The following MTMR9 variants were observed in gnomAD, a reference collection of about 807,000 sequenced individuals.
MTMR9 encodes the protein myotubularin related protein 9.
MTMR9 carries 39 observed loss-of-function variants against 69.5 expected under a neutral mutation model. The ratio of observed to expected loss-of-function variants is 0.56; its 90% CI spans 0.43 to 0.73. The LOEUF (loss-of-function observed/expected upper bound fraction) is 0.73. Among genes scored for constraint, MTMR9 ranks in the 30% least tolerant of loss-of-function variants. The pLI is 0.00. For missense variants in MTMR9, 900 were observed against 671.2 expected, an observed-to-expected ratio of 1.34 and a Z score of -3.77; for synonymous variants, 354 against 240.8, an observed-to-expected ratio of 1.47 and a Z score of -4.35.
intron 1 of MTMR9, among the ~76,000 whole-genome samples, chr8:11,288,024 G>T (rs1377746631): frequency 2.5e-5 from 3 of 117,820 alleles, no homozygotes; most frequent in Non-Finnish European, 5.0e-5. Flanking sequence ...TAATACGTAT[G>T]ATATATAATA....
chr8:11,311,778 C>T (rs1029792660), intron 6 of MTMR9, among the ~76,000 whole-genome samples: 6 of 152,070 alleles, frequency 3.9e-5, no homozygotes, highest in African/African-American at 9.7e-5. Context: ...CATGTGATAC[C>T]GTTTGATAGC....
At chr8:11,332,336 CA>C, downstream of MTMR9, 1 of 877,326 alleles carries the variant, frequency 1.1e-6, no homozygotes, top group Non-Finnish European at 1.6e-6. Flanking sequence ...GGCTTATTTA[CA>C]GGAATAAAAT....
In MTMR9 at chr8:11,327,341, TGA is replaced by T. The variant is rs1192031765; in HGVS notation, c.*4557_*4558del. The T allele has an allele frequency of 2.0e-5, 3 of 152,258 alleles. No individual in the cohort carries two copies. The highest frequency in any genetic ancestry group is 6.5e-5 in the Admixed American group (1 of 15,288). 9.4% of individuals were successfully genotyped at this position (152,258 alleles called of 1,614,324 possible). On this transcript the variant is annotated 3_prime_UTR_variant, in exon 10 of 10. Coordinates refer to ENST00000221086, the MANE Select transcript of MTMR9 (RefSeq NM_015458.4). ...ACATTGTCCTGCAAAGTAATTCTGA[TGA>T]GAGTTTACTGACTTCTAGAGCCATT...
In MTMR9 at chr8:11,325,060, T is replaced by C. The variant is rs1488543455; in HGVS notation, c.*2272T>C. ...AACACGGTATTCGCATTTCGTTTTC[T>C]CTGTCTCACTGAGACAACAATCTAT... On this transcript the variant is annotated 3_prime_UTR_variant, in exon 10 of 10. Coordinates refer to ENST00000221086, the MANE Select transcript of MTMR9 (RefSeq NM_015458.4). 1 of 152,246 alleles carries C rather than the reference T, an allele frequency of 6.6e-6. No individual in the cohort carries two copies. Among genetic ancestry groups the C allele is most frequent in the African/African-American group, 2.4e-5 (1 of 41,468 alleles). The allele number at this position is 152,246 out of a possible 1,614,324, so 9.4% of individuals were successfully genotyped here.
intron 2 of MTMR9, chr8:11,298,724 C>CA (rs1019114950): frequency 6.7e-6 from 6 of 895,654 alleles, no homozygotes; most frequent in South Asian, 1.1e-4. Flanking sequence ...CGCTGCACCC[C>CA]CCCCCCGCCA....
chr8:11,305,467 C>T (rs537159657), intron 4 of MTMR9, among the ~76,000 whole-genome samples: 20 of 152,190 alleles, frequency 1.3e-4, no homozygotes, highest in Non-Finnish European at 2.6e-4. Flanking sequence ...CTAGTAAACA[C>T]TGGAGTCAGG....
chr8:11,332,426 G>A (rs1037032953), downstream of MTMR9, among the ~76,000 whole-genome samples: 6 of 151,946 alleles, frequency 3.9e-5, no homozygotes, highest in Non-Finnish European at 1.5e-5. Context: ...ATATGCACAA[G>A]AGTTAAAAGA....
At chr8:11,317,084 GT>G in intron 8 of MTMR9, 191 bp downstream of exon 8, 1 of 401,852 alleles carries the variant, frequency 2.5e-6, no homozygotes, top group Non-Finnish European at 4.4e-6. Context: ...CCTAGACTTT[GT>G]TCTGTTAGGT....
At chr8:11,331,862 T>C (rs138832889), downstream of MTMR9, 1 of 1,611,884 alleles carries the variant, frequency 6.2e-7, no homozygotes. Flanking sequence ...ACCTCCTGAG[T>C]TGGAGTTGTG....
In MTMR9 at chr8:11,300,146, G is replaced by A. The variant is rs141468146; in HGVS notation, c.415G>A (p.Ala139Thr). The A allele has an allele frequency of 8.1e-6, 13 of 1,612,526 alleles. No homozygotes were observed. In the African/African-American group the frequency reaches 1.5e-4, roughly 18 times the overall value. ...GCAAGAATTTGAACTCTATTCTTCA[G>A]CTGTGAGTTAACTTTTGAGAACTGT... ...PEQEFELYSS[A>T]TSEWRLSYVN... The change falls in exon 3 of 10, where the codon GCT (alanine) becomes ACT (threonine). Residue 139 changes from alanine to threonine, a missense_variant and splice_region_variant. Ala to Thr is a moderately conservative substitution (Grantham distance 58, BLOSUM62 0). Transcript: ENST00000221086.
the MTMR9 span, among the ~76,000 whole-genome samples, chr8:11,337,739 C>A: frequency 7.9e-5 from 12 of 152,304 alleles, no homozygotes; most frequent in East Asian, 1.9e-3. Flanking sequence ...AACACATTTG[C>A]CATATCTCTC....
downstream of MTMR9, among the ~76,000 whole-genome samples, chr8:11,332,564 C>T (rs1040939914): frequency 1.1e-4 from 17 of 151,430 alleles, no homozygotes; most frequent in African/African-American, 4.1e-4. Context: ...ATGAGAAATT[C>T]ACTAGAAGGG....
chr8:11,330,006 G>A (rs1388843922), downstream of MTMR9, among the ~76,000 whole-genome samples: 2 of 147,536 alleles, frequency 1.4e-5, no homozygotes, highest in African/African-American at 5.1e-5. Flanking sequence ...CCTGGCAGCT[G>A]CCCCGTCTGG....
In MTMR9 at chr8:11,326,127, C is replaced by G. The variant is rs1800919313; in HGVS notation, c.*3339C>G. The G allele has an allele frequency of 1.3e-5, 2 of 152,130 alleles. No homozygotes were observed. Among genetic ancestry groups the G allele is most frequent in the African/African-American group, 4.8e-5 (2 of 41,416 alleles). The allele number at this position is 152,130 out of a possible 1,614,324, so 9.4% of individuals were successfully genotyped here. The stretch of plus-strand genomic sequence containing the variant: ...AAAGATATGACCATAATTTAGTCTC[C>G]TCAAGTGAAAAACAGGAGTAATGTT... On this transcript the variant is annotated 3_prime_UTR_variant, in exon 10 of 10. Coordinates refer to ENST00000221086, the MANE Select transcript of MTMR9 (RefSeq NM_015458.4).
chr8:11,329,556 T>C (rs1282040072), downstream of MTMR9, among the ~76,000 whole-genome samples: 2 of 152,248 alleles, frequency 1.3e-5, no homozygotes, highest in Non-Finnish European at 2.9e-5. Context: ...CCGCGAGTGA[T>C]CCGCCAGCCT....
chr8:11,311,022 T>C (rs1006223683), intron 6 of MTMR9, among the ~76,000 whole-genome samples: 1 of 152,178 alleles, frequency 6.6e-6, no homozygotes, highest in Non-Finnish European at 1.5e-5. Flanking sequence ...TGGCCTATTA[T>C]TTTCACCTCC....
intron 2 of MTMR9, among the ~76,000 whole-genome samples, chr8:11,295,544 C>G (rs1222200000): frequency 6.6e-6 from 1 of 152,156 alleles, no homozygotes; most frequent in Non-Finnish European, 1.5e-5. Context: ...GCTTGGAATT[C>G]CATTTCCAAT....
At chr8:11,334,686 C>A in the MTMR9 span, among the ~76,000 whole-genome samples, 1 of 152,134 alleles carries the variant, frequency 6.6e-6, no homozygotes, top group Non-Finnish European at 1.5e-5. Flanking sequence ...TAAATGTAAT[C>A]ACTTTTCAAT....
intron 8 of MTMR9, 62 bp downstream of exon 8, chr8:11,316,955 G>T: frequency 8.8e-7 from 1 of 1,132,540 alleles, no homozygotes; most frequent in Non-Finnish European, 1.3e-6. Flanking sequence ...TTCCTAAGTA[G>T]CCAGAATCTC....
Sources: gnomAD v4.1 joint callset for allele counts (sites outside exome capture counted in the v4.1 genomes callset) on GRCh38, gnomAD v4.1.1 for gene constraint, MANE v1.5 for transcripts, NCBI Gene and HGNC (gene_info 2026-07-23, HGNC 2026-07-21) for gene names.